Variants in WDFY3 observed in about 807,000 individuals in gnomAD.
WDFY3 encodes the protein WD repeat and FYVE domain-containing protein 3.
Under a neutral mutation model 409.6 loss-of-function variants are expected in WDFY3, and 66 were observed. The observed-to-expected ratio is 0.16, with a 90% CI of 0.13 to 0.20. The LOEUF (loss-of-function observed/expected upper bound fraction) is 0.20. Ranked by LOEUF, WDFY3 falls within the 10% of genes least tolerant of loss-of-function variation. The pLI is 1.00. For missense variants in WDFY3, 3,031 were observed against 4,298.1 expected (o/e 0.71, Z 8.24); for synonymous variants, 1,521 against 1,537.1 (o/e 0.99, Z 0.25).
At chr4:84,683,894 A>G (rs1295842095) in intron 63 of WDFY3, 49 bp downstream of exon 63, 3 of 1,523,066 alleles carry the variant, frequency 2.0e-6, no homozygotes, top group Non-Finnish European at 2.7e-6. Flanking sequence ...AGTTTCTGGT[A>G]AACTAGGATG....
intron 13 of WDFY3, among the ~76,000 whole-genome samples, chr4:84,810,867 T>C (rs924868581): frequency 6.6e-6 from 1 of 152,166 alleles, no homozygotes; most frequent in African/African-American, 2.4e-5. Context: ...TTTTGCAAAA[T>C]GAACTGAAGC....
At chr4:84,836,681 T>C (rs755357079) in intron 7 of WDFY3, among the ~76,000 whole-genome samples, 3 of 152,154 alleles carry the variant, frequency 2.0e-5, no homozygotes, top group Non-Finnish European at 4.4e-5. Flanking sequence ...ATATCAAAAG[T>C]AATCTCAATG....
chr4:84,769,810 G>A (rs777189144), intron 30 of WDFY3, among the ~76,000 whole-genome samples: 6 of 152,054 alleles, frequency 3.9e-5, no homozygotes, highest in Admixed American at 6.6e-5. Flanking sequence ...CATATGTAAT[G>A]ACCAAATCAG....
chr4:84,843,847 A>C (rs2150052901), intron 5 of WDFY3, among the ~76,000 whole-genome samples: 1 of 152,306 alleles, frequency 6.6e-6, no homozygotes, highest in Middle Eastern at 3.4e-3. Context: ...ACTTTGGGTA[A>C]AAAATGCCCA....
intron 1 of WDFY3, among the ~76,000 whole-genome samples, chr4:84,953,226 CAA>C (rs547010687): frequency 7.6e-6 from 1 of 130,856 alleles, no homozygotes. Flanking sequence ...TATCTGGTAT[CAA>C]AAAAAAAAAA....
intron 37 of WDFY3, among the ~76,000 whole-genome samples, chr4:84,742,198 T>G (rs913677945): frequency 2.6e-5 from 4 of 152,202 alleles, no homozygotes; most frequent in African/African-American, 9.6e-5. Flanking sequence ...TTCCTCAACA[T>G]AAACTGTCAG....
chr4:84,965,294 T>C (rs537789884), intron 1 of WDFY3, among the ~76,000 whole-genome samples: 4 of 152,338 alleles, frequency 2.6e-5, no homozygotes, highest in East Asian at 1.9e-4. Context: ...AGTAAACCAG[T>C]TGGCAACCAT....
chr4:84,859,556 T>C (rs371167240), intron 4 of WDFY3, among the ~76,000 whole-genome samples: 20 of 152,210 alleles, frequency 1.3e-4, no homozygotes, highest in African/African-American at 4.8e-4. Context: ...TGTGAACTTC[T>C]GATAAACATA....
At chr4:84,963,028 G>A (rs890440068) in intron 1 of WDFY3, among the ~76,000 whole-genome samples, 1 of 151,580 alleles carries the variant, frequency 6.6e-6, no homozygotes, top group Non-Finnish European at 1.5e-5. Flanking sequence ...CACACCAAGG[G>A]GGAACTGGAT....
At chr4:84,875,263 AACACAC>A (rs58589086) in intron 3 of WDFY3, among the ~76,000 whole-genome samples, 2,721 of 137,550 alleles carry the variant, frequency 0.02, 36 homozygotes, top group Non-Finnish European at 0.019. Context: ...GCAAGACTCA[AACACAC>A]ACACACACAC....
intron 56 of WDFY3, among the ~76,000 whole-genome samples, chr4:84,700,324 C>T (rs1290308163): frequency 1.3e-5 from 2 of 152,154 alleles, no homozygotes; most frequent in Non-Finnish European, 2.9e-5. Context: ...CCACCTCAGC[C>T]TCCTGAGTAG....
At chr4:84,920,869 T>A (rs145759629) in intron 2 of WDFY3, among the ~76,000 whole-genome samples, 428 of 152,250 alleles carry the variant, frequency 2.8e-3, no homozygotes, top group African/African-American at 9.8e-3. Flanking sequence ...CAAATTGGTG[T>A]AGGACCTAAT....
rs147966796 is a variant in WDFY3 at position 84,929,842 on chromosome 4, C to T, written c.-132+2428G>A. The stretch of plus-strand genomic sequence containing the variant: ...ACGAGAATCGCTTGAACCCAGGAGG[C>T]GGAGGTTACAGTCAGTCAAGGTCGC... On this transcript the variant is annotated intron_variant, in intron 2 of 67. Coordinates refer to ENST00000295888, the MANE Select transcript of WDFY3 (RefSeq NM_014991.6). Among the ~76,000 whole-genome samples, 858 of 151,638 alleles carry T rather than the reference C, an allele frequency of 5.7e-3. 9 individuals are homozygous for T. The highest frequency in any genetic ancestry group is 0.044 in the South Asian group (209 of 4,792).
chr4:84,761,117 T>G (rs1432002100), intron 32 of WDFY3, among the ~76,000 whole-genome samples: 1 of 152,156 alleles, frequency 6.6e-6, no homozygotes, highest in Non-Finnish European at 1.5e-5. Context: ...TGAGCGGTTT[T>G]GAGTGAGTTT....
At chr4:84,715,100 T>C (rs569903916) in intron 50 of WDFY3, among the ~76,000 whole-genome samples, 198 bp downstream of exon 50, 1 of 152,308 alleles carries the variant, frequency 6.6e-6, no homozygotes, top group Admixed American at 6.5e-5. Context: ...GGAAAAATGG[T>C]ATGTCACAAT....
At chr4:84,726,572 G>A (rs946392726) in intron 45 of WDFY3, among the ~76,000 whole-genome samples, 1 of 152,112 alleles carries the variant, frequency 6.6e-6, no homozygotes, top group Non-Finnish European at 1.5e-5. Flanking sequence ...GTTAGTTTAT[G>A]TGTGAAGCAA....
chr4:84,844,365 C>G, intron 5 of WDFY3: 1 of 1,188,188 alleles, frequency 8.4e-7, no homozygotes, highest in Non-Finnish European at 1.1e-6. Flanking sequence ...AAAAATTCCA[C>G]AAGTTAGTCA....
intron 2 of WDFY3, among the ~76,000 whole-genome samples, chr4:84,915,750 A>G (rs1768392744): frequency 6.6e-6 from 1 of 152,192 alleles, no homozygotes; most frequent in African/African-American, 2.4e-5. Context: ...TTAATAATCA[A>G]AACTGTAGAA....
At chr4:84,959,284 C>T (rs188364391) in intron 1 of WDFY3, among the ~76,000 whole-genome samples, 79 of 151,458 alleles carry the variant, frequency 5.2e-4, no homozygotes, top group African/African-American at 1.9e-3. Flanking sequence ...AAGATCTATT[C>T]AAGAATTTTA....
Sources: gnomAD v4.1 joint callset for allele counts (sites outside exome capture counted in the v4.1 genomes callset) on GRCh38, gnomAD v4.1.1 for gene constraint, MANE v1.5 for transcripts, NCBI Gene and HGNC (gene_info 2026-07-23, HGNC 2026-07-21) for gene names.